The following EIF2S2 variants were observed in gnomAD, a reference collection of about 807,000 sequenced individuals.
EIF2S2 encodes the protein eukaryotic translation initiation factor 2 subunit 2.
EIF2S2 carries 4 observed loss-of-function variants against 44.0 expected under a neutral mutation model. The ratio of observed to expected loss-of-function variants is 0.09; its 90% CI spans 0.04 to 0.21. The LOEUF (loss-of-function observed/expected upper bound fraction) is 0.21. Among genes scored for constraint, EIF2S2 ranks in the 10% least tolerant of loss-of-function variants. The pLI is 1.00. For missense variants in EIF2S2, 154 were observed against 392.0 expected (o/e 0.39, Z 5.13); for synonymous variants, 108 against 128.3 (o/e 0.84, Z 1.07).
intron 3 of EIF2S2, 128 bp downstream of exon 3, chr20:34,103,334 A>G (rs2034314246): frequency 7.9e-7 from 1 of 1,260,698 alleles, no homozygotes; most frequent in Admixed American, 3.2e-5. Flanking sequence ...AAATGACGCT[A>G]CCAGTGGCAA....
At chr20:34,112,008 G>A (rs1482198254) in intron 1 of EIF2S2, 88 bp downstream of exon 1, 2 of 1,284,194 alleles carry the variant, frequency 1.6e-6, no homozygotes, top group Non-Finnish European at 2.0e-6. Flanking sequence ...GCGGCCGGCT[G>A]CTAGGCCGCA....
intron 8 of EIF2S2, among the ~76,000 whole-genome samples, 187 bp from the exon 9 acceptor site, chr20:34,090,092 G>A (rs886554329): frequency 6.6e-6 from 1 of 152,208 alleles, no homozygotes; most frequent in Admixed American, 6.5e-5. Flanking sequence ...GGCGCTTCCG[G>A]CACTAAACAT....
chr20:34,100,106 T>TC (rs2034278617), intron 3 of EIF2S2, among the ~76,000 whole-genome samples: 1 of 152,150 alleles, frequency 6.6e-6, no homozygotes, highest in African/African-American at 2.4e-5. Context: ...CCTCCGCCTC[T>TC]CGGGTTCAAG....
intron 3 of EIF2S2, among the ~76,000 whole-genome samples, chr20:34,100,809 A>G (rs562230189): frequency 1.7e-4 from 26 of 152,306 alleles, no homozygotes; most frequent in African/African-American, 5.8e-4. Flanking sequence ...CTTGACCCCA[A>G]GATTAGTTGC....
At chr20:34,099,781 C>T (rs968699301) in intron 3 of EIF2S2, among the ~76,000 whole-genome samples, 1 of 152,092 alleles carries the variant, frequency 6.6e-6, no homozygotes, top group African/African-American at 2.4e-5. Flanking sequence ...AAAGTACTTA[C>T]TACTGCCAAT....
chr20:34,110,899 C>T (rs1416696651), intron 1 of EIF2S2, among the ~76,000 whole-genome samples: 4 of 152,236 alleles, frequency 2.6e-5, no homozygotes, highest in Non-Finnish European at 5.9e-5. Context: ...CTTTCAGTTT[C>T]TCTAACCCAT....
chr20:34,091,152 A>C (rs1359088069), intron 7 of EIF2S2, among the ~76,000 whole-genome samples: 1 of 152,216 alleles, frequency 6.6e-6, no homozygotes, highest in Non-Finnish European at 1.5e-5. Context: ...TTTATAATTG[A>C]TTTTAAGTCT....
chr20:34,106,866 A>C (rs755763106), intron 1 of EIF2S2, among the ~76,000 whole-genome samples: 1 of 152,212 alleles, frequency 6.6e-6, no homozygotes, highest in Non-Finnish European at 1.5e-5. Flanking sequence ...AACAACATAC[A>C]GGGCAGACAC....
chr20:34,091,769 A>T lies in EIF2S2; in HGVS notation c.741-1167T>A, dbSNP rs372955282. 1.8e-3 allele frequency among the ~76,000 whole-genome samples: 60 copies of T among 33,722 alleles called. No individual in the cohort carries two copies. In the East Asian group the frequency reaches 0.046, roughly 26 times the overall value. The allele number at this position is 33,722 out of a possible 152,430, so 22.1% of individuals were successfully genotyped here. On this transcript the variant is annotated intron_variant, in intron 7 of 8. Transcript: ENST00000374980. ...TTGTATATATTATTTATATATATTT[A>T]TTTTTTTGGGGGGGGGGGGTCCAAG...
intron 2 of EIF2S2, 98 bp downstream of exon 2, chr20:34,105,270 C>T (rs560353701): frequency 3.0e-6 from 4 of 1,344,226 alleles, no homozygotes; most frequent in Admixed American, 4.5e-5. Flanking sequence ...CTGGAACAGC[C>T]TTGTCAGGCT....
Position 34,088,313 on chromosome 20 carries a change from A to T in EIF2S2, c.*1417T>A, listed in dbSNP as rs77880974. 1 of 152,694 alleles carries T rather than the reference A, an allele frequency of 6.5e-6. No homozygotes were observed. Among genetic ancestry groups the T allele is most frequent in the Non-Finnish European group, 1.5e-5 (1 of 68,064 alleles). The allele number at this position is 152,694 out of a possible 1,614,324, so 9.5% of individuals were successfully genotyped here. On this transcript the variant is annotated 3_prime_UTR_variant, in exon 9 of 9. Transcript: ENST00000374980. ...ACAAAAGCAATGGAGCGTTAATTAC[A>T]TAAGAGGCACTGATCCTTGCTTTAT...
intron 1 of EIF2S2, among the ~76,000 whole-genome samples, chr20:34,111,714 AC>A (rs1422919546): frequency 1.3e-5 from 2 of 152,148 alleles, no homozygotes; most frequent in Admixed American, 6.5e-5. Context: ...CACCCCTGGC[AC>A]CCCCGGCACC....
At chr20:34,099,101 G>A (rs2034266164) in intron 3 of EIF2S2, among the ~76,000 whole-genome samples, 1 of 152,138 alleles carries the variant, frequency 6.6e-6, no homozygotes, top group South Asian at 2.1e-4. Context: ...CAGGCGTCTT[G>A]GCTCACACCT....
rs1286462844 is a variant in EIF2S2, at chr20:34,093,665, A to G, written c.740+10T>C. The G allele has an allele frequency of 6.9e-6, 11 of 1,604,132 alleles. No individual in the cohort carries two copies. The highest frequency in any genetic ancestry group is 1.3e-5 in the African/African-American group (1 of 74,766). ...AGCAGTACTGTATGTAAATGTATAC[A>G]GTTTCTTACCTTGTACCCAATTCAG... On this transcript the variant is annotated intron_variant, in intron 7 of 8. Coordinates refer to ENST00000374980, the MANE Select transcript of EIF2S2 (RefSeq NM_003908.5).
chr20:34,104,634 T>A (rs1254802936), intron 2 of EIF2S2, among the ~76,000 whole-genome samples: 2 of 152,232 alleles, frequency 1.3e-5, no homozygotes, highest in African/African-American at 4.8e-5. Context: ...TTACCTACCA[T>A]TAATGAGTAA....
At chr20:34,097,324 T>C in intron 5 of EIF2S2, 92 bp downstream of exon 5, 1 of 1,069,472 alleles carries the variant, frequency 9.4e-7, no homozygotes, top group Non-Finnish European at 1.4e-6. Context: ...CATCAGTCAT[T>C]ACTTCAACGG....
chr20:34,095,672 T>C (rs2034219961), intron 6 of EIF2S2, among the ~76,000 whole-genome samples: 2 of 152,226 alleles, frequency 1.3e-5, no homozygotes, highest in Admixed American at 1.3e-4. Flanking sequence ...AGCATGTCTT[T>C]ATCTTCTAAT....
chr20:34,100,108 G>A (rs528677059), intron 3 of EIF2S2, among the ~76,000 whole-genome samples: 39 of 152,218 alleles, frequency 2.6e-4, no homozygotes, highest in African/African-American at 9.2e-4. Flanking sequence ...TCCGCCTCTC[G>A]GGTTCAAGTG....
chr20:34,106,048 A>G (rs966839923), intron 1 of EIF2S2, among the ~76,000 whole-genome samples: 1 of 152,054 alleles, frequency 6.6e-6, no homozygotes, highest in African/African-American at 2.4e-5. Flanking sequence ...TAGCTCCCCA[A>G]GTAGCTGGGA....
Sources: allele counts gnomAD v4.1 joint callset (sites outside exome capture counted in the v4.1 genomes callset), GRCh38; gene constraint gnomAD v4.1.1; transcripts MANE v1.5; gene names NCBI Gene and HGNC (gene_info 2026-07-23, HGNC 2026-07-21).